The following SAE1 variants were observed in gnomAD, a reference collection of about 807,000 sequenced individuals.
The protein encoded by SAE1 is SUMO-activating enzyme subunit 1.
In SAE1, 11 loss-of-function variants were observed where a neutral mutation model predicts 40.6. The observed-to-expected ratio is 0.27, with a 90% CI of 0.17 to 0.45. SAE1 has a LOEUF of 0.45. Ranked by LOEUF, SAE1 falls within the 20% of genes least tolerant of loss-of-function variation. The pLI is 1.00. For missense variants in SAE1, 373 were observed against 427.3 expected (o/e 0.87, Z 1.12); for synonymous variants, 155 against 154.3 (o/e 1.00, Z -0.03).
intron 6 of SAE1, among the ~76,000 whole-genome samples, chr19:47,181,603 C>G (rs1335237933): frequency 6.7e-6 from 1 of 149,790 alleles, no homozygotes; most frequent in Admixed American, 6.7e-5. Context: ...CTCCCCCTCC[C>G]AGGTAGCTGG....
intron 6 of SAE1, among the ~76,000 whole-genome samples, chr19:47,181,303 C>T (rs547888568): frequency 6.8e-4 from 103 of 151,020 alleles, no homozygotes; most frequent in Middle Eastern, 3.4e-3. Context: ...GCAACAAGAG[C>T]GAAACTCTAT....
intron 6 of SAE1, among the ~76,000 whole-genome samples, chr19:47,194,605 G>A (rs2058601325): frequency 1.3e-5 from 2 of 152,158 alleles, no homozygotes; most frequent in Non-Finnish European, 2.9e-5. Context: ...AAAGAGTATT[G>A]TCCTTAGAGA....
chr19:47,155,268 GC>G (rs1474547901), intron 5 of SAE1, 55 bp downstream of exon 5: 6 of 1,214,214 alleles, frequency 4.9e-6, no homozygotes, highest in Admixed American at 1.8e-5. Flanking sequence ...GAGGGGTCAG[GC>G]AATGACGATT....
chr19:47,167,677 T>A (rs1203647938), intron 5 of SAE1, among the ~76,000 whole-genome samples: 3 of 152,158 alleles, frequency 2.0e-5, no homozygotes, highest in Admixed American at 2.0e-4. Flanking sequence ...TCTTTAAATA[T>A]CTGGTTGGGA....
At chr19:47,169,409 C>A (rs1452354626) in intron 5 of SAE1, among the ~76,000 whole-genome samples, 1 of 152,134 alleles carries the variant, frequency 6.6e-6, no homozygotes, top group Non-Finnish European at 1.5e-5. Flanking sequence ...GCATGCCTAG[C>A]TAATTTTTGT....
chr19:47,183,215 C>T (rs888688746), intron 6 of SAE1, among the ~76,000 whole-genome samples: 3 of 152,058 alleles, frequency 2.0e-5, no homozygotes, highest in Non-Finnish European at 2.9e-5. Flanking sequence ...TGTGCCTGAC[C>T]GGTTCACGTA....
At chr19:47,172,387 G>A (rs1198445502) in intron 6 of SAE1, among the ~76,000 whole-genome samples, 2 of 152,176 alleles carry the variant, frequency 1.3e-5, no homozygotes, top group Non-Finnish European at 2.9e-5. Flanking sequence ...TTCCATGTGG[G>A]AACAGTGCCT....
chr19:47,191,444 A>G (rs2058577180), intron 6 of SAE1, among the ~76,000 whole-genome samples: 1 of 152,140 alleles, frequency 6.6e-6, no homozygotes, highest in South Asian at 2.1e-4. Context: ...CCTGTCAGTC[A>G]CTCCTGAGAG....
intron 6 of SAE1, among the ~76,000 whole-genome samples, chr19:47,196,335 T>A (rs1214635434): frequency 1.0e-4 from 1 of 9,896 alleles, no homozygotes; most frequent in Non-Finnish European, 1.5e-4. Context: ...GCGCCTGGCT[T>A]TTTTTTTTTT....
At chr19:47,185,217 C>T (rs1240218269) in intron 6 of SAE1, among the ~76,000 whole-genome samples, 2 of 152,130 alleles carry the variant, frequency 1.3e-5, no homozygotes, top group Non-Finnish European at 2.9e-5. Context: ...ATGTAATATT[C>T]CATTCTGTCA....
chr19:47,143,359 C>T, intron 1 of SAE1, 135 bp from the exon 2 acceptor site: 1 of 639,088 alleles, frequency 1.6e-6, no homozygotes, highest in Non-Finnish European at 2.8e-6. Context: ...CCTATCTCAG[C>T]CTCCTAAAGT....
intron 5 of SAE1, among the ~76,000 whole-genome samples, chr19:47,164,818 T>G (rs2058381648): frequency 6.6e-6 from 1 of 151,026 alleles, no homozygotes; most frequent in African/African-American, 2.4e-5. Flanking sequence ...CCAGCTAATT[T>G]TATTTTTGTA....
At chr19:47,164,616 G>C (rs2123239611) in intron 5 of SAE1, among the ~76,000 whole-genome samples, 1 of 142,418 alleles carries the variant, frequency 7.0e-6, no homozygotes, top group East Asian at 2.2e-4. Flanking sequence ...TTTGATGGTT[G>C]ATGGGCTATG....
At chr19:47,197,898 G>A (rs1478933102) in intron 7 of SAE1, among the ~76,000 whole-genome samples, 1 of 152,172 alleles carries the variant, frequency 6.6e-6, no homozygotes, top group Non-Finnish European at 1.5e-5. Flanking sequence ...TGGGTCAGAA[G>A]GTTGTAATTT....
At chr19:47,140,524 T>C (rs1232146668) in intron 1 of SAE1, among the ~76,000 whole-genome samples, 2 of 151,862 alleles carry the variant, frequency 1.3e-5, no homozygotes, top group Admixed American at 6.6e-5. Context: ...AGTGATGGGA[T>C]TTGTAAACCC....
intron 1 of SAE1, among the ~76,000 whole-genome samples, chr19:47,131,993 G>C (rs553312696): frequency 3.3e-5 from 5 of 151,736 alleles, no homozygotes; most frequent in Middle Eastern, 3.2e-3. Context: ...GAGCCACCGC[G>C]CCAGGACGTC....
chr19:47,196,067 A>G (rs1268403388), intron 6 of SAE1, among the ~76,000 whole-genome samples: 2 of 143,124 alleles, frequency 1.4e-5, no homozygotes, highest in South Asian at 2.2e-4. Flanking sequence ...TTTTTCCCAG[A>G]CGGAGTCTCG....
At chr19:47,192,652 A>G (rs1473662050) in intron 6 of SAE1, among the ~76,000 whole-genome samples, 1 of 151,430 alleles carries the variant, frequency 6.6e-6, no homozygotes, top group African/African-American at 2.4e-5. Flanking sequence ...AAGCAATTCT[A>G]CTGCCTCAGC....
rs952787122 is a variant in SAE1 at position 47,210,273 on chromosome 19, C to G, written c.*1022C>G. On this transcript the variant is annotated 3_prime_UTR_variant, in exon 9 of 9. Coordinates refer to ENST00000270225, the MANE Select transcript of SAE1 (RefSeq NM_005500.3). ...CAGTTGCCTTTTCAGACCTGAGGCT[C>G]TAACTCAAGAGATTCCTCCTCTCCC... The G allele has an allele frequency of 2.0e-5, 3 of 152,180 alleles. No individual in the cohort carries two copies. Among genetic ancestry groups the G allele is most frequent in the African/African-American group, 7.2e-5 (3 of 41,438 alleles). 9.4% of individuals were successfully genotyped at this position (152,180 alleles called of 1,614,324 possible). A position where few individuals can be genotyped will look rare whatever the true frequency, so the allele number is the denominator to read the frequency against.
Sources: allele counts gnomAD v4.1 joint callset (sites outside exome capture counted in the v4.1 genomes callset), GRCh38; gene constraint gnomAD v4.1.1; transcripts MANE v1.5; gene names NCBI Gene and HGNC (gene_info 2026-07-23, HGNC 2026-07-21).